The following PCDHGB2 variants were observed in gnomAD, a reference collection of about 807,000 sequenced individuals.
The protein encoded by PCDHGB2 is protocadherin gamma-B2.
Under a neutral mutation model 59.3 loss-of-function variants are expected in PCDHGB2, and 55 were observed. That is an observed-to-expected ratio of 0.93 (90% CI 0.75 to 1.16). The LOEUF is 1.16. Among genes scored for constraint, PCDHGB2 ranks in the 50% most tolerant of loss-of-function variants. PCDHGB2 has a pLI of 0.00. For synonymous variants in PCDHGB2, 516 were observed against 512.0 expected (o/e 1.01, Z -0.11); for missense variants, 1,228 against 1,198.5 (o/e 1.02, Z -0.36).
intron 1 of PCDHGB2, chr5:141,421,172 G>A: frequency 7.3e-7 from 1 of 1,366,164 alleles, no homozygotes; most frequent in Non-Finnish European, 9.8e-7. Context: ...AGATACATAA[G>A]CCGATTCACA....
chr5:141,430,657 A>G (rs2097300740), intron 1 of PCDHGB2: 1 of 1,093,240 alleles, frequency 9.1e-7, no homozygotes, highest in African/African-American at 1.6e-5. Flanking sequence ...GAAACAACGG[A>G]GGAGCTCTGA....
chr5:141,464,913 A>AT (rs1366203949), intron 1 of PCDHGB2, among the ~76,000 whole-genome samples: 2 of 151,546 alleles, frequency 1.3e-5, no homozygotes, highest in South Asian at 4.2e-4. Flanking sequence ...TAATTTTTTT[A>AT]TTTTTTTGTA....
chr5:141,408,871 T>C, intron 1 of PCDHGB2: 2 of 1,612,784 alleles, frequency 1.2e-6, no homozygotes, highest in Non-Finnish European at 1.7e-6. Flanking sequence ...CACCAAGAAG[T>C]GCCACCGCTC....
At chr5:141,427,192 A>T (rs1191677237) in intron 1 of PCDHGB2, 1 of 456,566 alleles carries the variant, frequency 2.2e-6, no homozygotes. Context: ...AAATCCAAAG[A>T]CTTAATAGAC....
chr5:141,456,633 C>CT (rs1229637837), intron 1 of PCDHGB2, among the ~76,000 whole-genome samples: 1 of 152,182 alleles, frequency 6.6e-6, no homozygotes, highest in Non-Finnish European at 1.5e-5. Context: ...CTCTTCTTTA[C>CT]TACAGGTGTT....
chr5:141,383,721 T>C lies in PCDHGB2; in HGVS notation c.2421+21165T>C, dbSNP rs990608432. The C allele has an allele frequency of 6.2e-6, 10 of 1,613,892 alleles. No individual in the cohort carries two copies. The South Asian group carries it at 6.6e-5, about 11-fold the overall frequency. On this transcript the variant is annotated intron_variant, in intron 1 of 3. Coordinates refer to ENST00000522605, the MANE Select transcript of PCDHGB2 (RefSeq NM_018923.3). ...CTATCGACCTGGACGAGGGAGTCAA[T>C]GGGGAAGTGACATATTCTTTTCGGA...
At chr5:141,394,648 G>T (rs1294007915) in intron 1 of PCDHGB2, 1 of 1,613,404 alleles carries the variant, frequency 6.2e-7, no homozygotes, top group East Asian at 2.2e-5. Flanking sequence ...CTCAAGGCCA[G>T]CGAGCCGGGA....
rs775331499 is a variant in PCDHGB2 at position 141,422,779 on chromosome 5, C to T, written c.2421+60223C>T. The T allele has an allele frequency of 8.7e-6, 14 of 1,614,070 alleles. No homozygotes were observed. In the East Asian group the frequency reaches 2.9e-4, roughly 33 times the overall value. ...CTCCAACACTGGTGTTCTCTATGCC[C>T]TACAATCCTTCGACTATGAGCAGTT... On this transcript the variant is annotated intron_variant, in intron 1 of 3. Transcript: ENST00000522605.
chr5:141,406,390 ATTC>A (rs2094804697), intron 1 of PCDHGB2, among the ~76,000 whole-genome samples: 1 of 152,172 alleles, frequency 6.6e-6, no homozygotes, highest in Non-Finnish European at 1.5e-5. Flanking sequence ...AGGTAAATGT[ATTC>A]TTCTTAGAGA....
chr5:141,400,591 C>T lies in PCDHGB2; in HGVS notation c.2421+38035C>T, dbSNP rs746471054. ...ATTTTCTGTATTTACATGAAACTATCGTACATTTTCAAGTCCAATGAGTTG... is the reference window on the plus strand; with the variant it reads ...ATTTTCTGTATTTACATGAAACTATTGTACATTTTCAAGTCCAATGAGTTG... On this transcript the variant is annotated intron_variant, in intron 1 of 3. Transcript: ENST00000522605. 2.5e-6 allele frequency: 4 copies of T among 1,602,858 alleles called. No homozygotes were observed. In the African/African-American group the frequency reaches 5.4e-5, roughly 21 times the overall value.
At chr5:141,368,863 T>C (rs1765900846) in intron 1 of PCDHGB2, among the ~76,000 whole-genome samples, 1 of 152,218 alleles carries the variant, frequency 6.6e-6, no homozygotes, top group African/African-American at 2.4e-5. Context: ...TTGGAATGTT[T>C]TGGAGCAAAG....
chr5:141,379,992 T>G (rs1776127891), intron 1 of PCDHGB2, among the ~76,000 whole-genome samples: 1 of 144,024 alleles, frequency 6.9e-6, no homozygotes, highest in South Asian at 2.4e-4. Flanking sequence ...TTCCTCCTCC[T>G]GGGTTCAAGC....
chr5:141,477,312 T>G lies in PCDHGB2; in HGVS notation c.2422-17495T>G. On this transcript the variant is annotated intron_variant, in intron 1 of 3. Coordinates refer to ENST00000522605, the MANE Select transcript of PCDHGB2 (RefSeq NM_018923.3). This position sits in a 1 kb window ranked among gnomAD's most constrained non-coding sequence, Gnocchi z 4.9. ...GTTCCACCGGGTCTCCCTTTCAGCC[T>G]TACTTCTTCCCTCAAGAATTACTTC... The G allele has an allele frequency of 1.2e-6, 2 of 1,614,162 alleles. No individual in the cohort carries two copies. The highest frequency in any genetic ancestry group is 1.7e-6 in the Non-Finnish European group (2 of 1,180,032).
chr5:141,474,967 T>G (rs745581213), intron 1 of PCDHGB2, among the ~76,000 whole-genome samples: 6 of 152,252 alleles, frequency 3.9e-5, no homozygotes, highest in Non-Finnish European at 7.3e-5. Context: ...TCCTAATCAT[T>G]ATAATTTTGT....
At chr5:141,428,019 G>C in intron 1 of PCDHGB2, 1 of 1,604,824 alleles carries the variant, frequency 6.2e-7, no homozygotes, top group Non-Finnish European at 8.5e-7. Flanking sequence ...AGTGCCACGC[G>C]CCGCAGAGTC....
chr5:141,428,073 G>A (rs2097106496), intron 1 of PCDHGB2: 1 of 1,609,082 alleles, frequency 6.2e-7, no homozygotes, highest in Admixed American at 1.7e-5. Flanking sequence ...CGCAGATTCG[G>A]GACACAACGC....
intron 3 of PCDHGB2, among the ~76,000 whole-genome samples, chr5:141,509,040 C>T (rs1217864661): frequency 6.6e-6 from 1 of 152,132 alleles, no homozygotes; most frequent in African/African-American, 2.4e-5. Context: ...CAACCCCTCT[C>T]CCCCGCCCCC....
In PCDHGB2 at chr5:141,432,249, A is replaced by G; in HGVS notation, c.2422-62558A>G. The G allele has an allele frequency of 6.2e-7, 1 of 1,614,206 alleles. No individual in the cohort carries two copies. Among genetic ancestry groups the G allele is most frequent in the Non-Finnish European group, 8.5e-7 (1 of 1,180,044 alleles). On this transcript the variant is annotated intron_variant, in intron 1 of 3. Coordinates refer to ENST00000522605, the MANE Select transcript of PCDHGB2 (RefSeq NM_018923.3). The surrounding 1 kb of genome is among the most constrained non-coding windows in gnomAD (Gnocchi z 6.0). ...TATTCCCTGGCTGAGAACACCATCC[A>G]AGGGGCAAGCCTATCGTCCTACGTG...
intron 1 of PCDHGB2, chr5:141,424,091 G>A: frequency 1.1e-6 from 1 of 879,778 alleles, no homozygotes; most frequent in Non-Finnish European, 1.4e-6. Context: ...ACCATTATTT[G>A]CTATTACTGC....
Sources: allele counts gnomAD v4.1 joint callset (sites outside exome capture counted in the v4.1 genomes callset), GRCh38; gene constraint gnomAD v4.1.1; non-coding constraint Gnocchi (gnomAD v3.1); transcripts MANE v1.5; gene names NCBI Gene and HGNC (gene_info 2026-07-23, HGNC 2026-07-21).